ADAMTS2: variants seen among roughly 807,000 people sequenced by gnomAD.
ADAMTS2 encodes A disintegrin and metalloproteinase with thrombospondin motifs 2.
ADAMTS2 carries 50 observed loss-of-function variants against 123.0 expected under a neutral mutation model. The observed-to-expected ratio is 0.41, with a 90% confidence interval of 0.32 to 0.51. ADAMTS2 has a LOEUF of 0.51. ADAMTS2 is among the 20% of genes least tolerant of loss of function. ADAMTS2 has a pLI of 0.35. For missense variants in ADAMTS2, 1,494 were observed against 1,705.2 expected, an observed-to-expected ratio of 0.88 and a Z score of 2.18; for synonymous variants, 678 against 695.4, an observed-to-expected ratio of 0.98 and a Z score of 0.39.
intron 2 of ADAMTS2, among the ~76,000 whole-genome samples, chr5:179,293,626 T>TG (rs1756249848): frequency 6.6e-6 from 1 of 151,854 alleles, no homozygotes; most frequent in Non-Finnish European, 1.5e-5. Context: ...TTTGTTTGTT[T>TG]TTCTCAAGAT....
intron 3 of ADAMTS2, among the ~76,000 whole-genome samples, chr5:179,265,657 T>C (rs1278695469): frequency 6.6e-6 from 1 of 152,130 alleles, no homozygotes; most frequent in African/African-American, 2.4e-5. Flanking sequence ...AACTCCAGCC[T>C]CGGAGAATGT....
At chr5:179,292,316 G>A (rs932479770) in intron 2 of ADAMTS2, among the ~76,000 whole-genome samples, 2 of 144,442 alleles carry the variant, frequency 1.4e-5, no homozygotes, top group Non-Finnish European at 3.1e-5. Flanking sequence ...CACATTGTGA[G>A]CGGTAACAGC....
At chr5:179,186,189 C>G (rs951505936) in intron 4 of ADAMTS2, among the ~76,000 whole-genome samples, 2 of 152,138 alleles carry the variant, frequency 1.3e-5, no homozygotes, top group Admixed American at 6.5e-5. Context: ...TTGGCCCCCT[C>G]CCAGGCCAGG....
chr5:179,232,046 T>C (rs1217256059), intron 3 of ADAMTS2, among the ~76,000 whole-genome samples: 3 of 152,228 alleles, frequency 2.0e-5, no homozygotes, highest in Admixed American at 6.5e-5. Context: ...CCGCATTCTG[T>C]CTTTTAAAAA....
intron 2 of ADAMTS2, among the ~76,000 whole-genome samples, chr5:179,287,141 C>T (rs1391234174): frequency 6.6e-6 from 1 of 152,062 alleles, no homozygotes; most frequent in Non-Finnish European, 1.5e-5. Flanking sequence ...CAGAGCTGGG[C>T]GGGCTGTTCC....
rs922294987 is a variant in ADAMTS2, at chr5:179,154,196, C to T, written c.1239-4G>A. 34 of 1,548,864 alleles carry T rather than the reference C, an allele frequency of 2.2e-5. 1 individual carries two copies. In the South Asian group the frequency reaches 2.7e-4, roughly 12 times the overall value. On this transcript the variant is annotated splice_region_variant and splice_polypyrimidine_tract_variant and intron_variant, in intron 7 of 21. Transcript: ENST00000251582. ...CCCGTCGTGCTCCATGCCCAGCCTGCGAGGGCCGAGGCAGCTGGCTGAATC... is the reference window on the plus strand; with the variant it reads ...CCCGTCGTGCTCCATGCCCAGCCTGTGAGGGCCGAGGCAGCTGGCTGAATC...
chr5:179,276,734 T>C (rs998745105), intron 2 of ADAMTS2, among the ~76,000 whole-genome samples: 8 of 152,198 alleles, frequency 5.3e-5, no homozygotes, highest in African/African-American at 1.9e-4. Context: ...GACAGGTCCC[T>C]GGGCCAGACT....
At chr5:179,243,199 CA>C (rs371774081) in intron 3 of ADAMTS2, among the ~76,000 whole-genome samples, 125 of 151,768 alleles carry the variant, frequency 8.2e-4, no homozygotes, top group African/African-American at 2.8e-3. Context: ...GGATCTCTTC[CA>C]GGGGGAGAAT....
At chr5:179,201,090 C>T (rs1415616622) in intron 4 of ADAMTS2, among the ~76,000 whole-genome samples, 1 of 152,188 alleles carries the variant, frequency 6.6e-6, no homozygotes, top group Non-Finnish European at 1.5e-5. Flanking sequence ...ATTACCACTG[C>T]TCAAAAGGAC....
Position 179,181,490 on chromosome 5 carries a change from C to T in ADAMTS2, c.892-335G>A, listed in dbSNP as rs1264109888. ...GCCTCCAGCTGAAACACAACCTTCC[C>T]TTCAACAGTGAACGTGGGTGATGGA... On this transcript the variant is annotated intron_variant, in intron 4 of 21. Coordinates refer to ENST00000251582, the MANE Select transcript of ADAMTS2 (RefSeq NM_014244.5). The surrounding 1 kb of genome is among the most constrained non-coding windows in gnomAD (Gnocchi z 4.1). Among the ~76,000 whole-genome samples, 1 of 152,130 alleles carries T rather than the reference C, an allele frequency of 6.6e-6. No homozygotes were observed.
At chr5:179,324,516 G>A (rs1757261979) in intron 2 of ADAMTS2, among the ~76,000 whole-genome samples, 1 of 151,186 alleles carries the variant, frequency 6.6e-6, no homozygotes, top group Admixed American at 6.6e-5. Flanking sequence ...TCAGCCTCCT[G>A]AATAGTTGGA....
At chr5:179,286,629 C>CA (rs1424637530) in intron 2 of ADAMTS2, among the ~76,000 whole-genome samples, 1 of 152,160 alleles carries the variant, frequency 6.6e-6, no homozygotes, top group African/African-American at 2.4e-5. Flanking sequence ...CCACATCCAC[C>CA]AGGAGATGCT....
intron 2 of ADAMTS2, among the ~76,000 whole-genome samples, chr5:179,305,629 A>G (rs1293170130): frequency 1.3e-5 from 2 of 152,254 alleles, no homozygotes; most frequent in African/African-American, 2.4e-5. Flanking sequence ...GGAGGAAATG[A>G]TAAGAGTAAA....
intron 3 of ADAMTS2, among the ~76,000 whole-genome samples, chr5:179,217,566 T>C (rs925428168): frequency 1.3e-5 from 2 of 152,224 alleles, no homozygotes; most frequent in African/African-American, 2.4e-5. Context: ...AAGGAAGTCA[T>C]GGAAGTGCTA....
In ADAMTS2 at chr5:179,129,870, C is replaced by T. The variant is rs2113199709; in HGVS notation, c.2457+62G>A. On this transcript the variant is annotated intron_variant, in intron 16 of 21. Coordinates refer to ENST00000251582, the MANE Select transcript of ADAMTS2 (RefSeq NM_014244.5). This position sits in a 1 kb window ranked among gnomAD's most constrained non-coding sequence, Gnocchi z 4.1. ...TCAGGAGGCTCAGCGTCCCAGGCAC[C>T]CCCATCCCTCCCCCAGTGGCCACCC... 1.2e-6 allele frequency: 2 copies of T among 1,603,414 alleles called. No individual in the cohort carries two copies. The highest frequency in any genetic ancestry group is 1.3e-5 in the African/African-American group (1 of 74,874).
At chr5:179,315,124 C>T (rs1250775219) in intron 2 of ADAMTS2, among the ~76,000 whole-genome samples, 1 of 146,590 alleles carries the variant, frequency 6.8e-6, no homozygotes, top group African/African-American at 2.5e-5. Context: ...TCTCTCTCTT[C>T]TGTTCCTCCT....
rs575653796 is a variant in ADAMTS2 at position 179,312,748 on chromosome 5, G to A, written c.534+31019C>T. Among the ~76,000 whole-genome samples the A allele has an allele frequency of 1.9e-4, 29 of 152,338 alleles. No individual in the cohort carries two copies. Among genetic ancestry groups the A allele is most frequent in the African/African-American group, 6.5e-4 (27 of 41,578 alleles). ...CAAGCCAAGCACTGCTGGCTGCCAC[G>A]AGGACCTGGAAGAGCCCAGGACGCA... On this transcript the variant is annotated intron_variant, in intron 2 of 21. Coordinates refer to ENST00000251582, the MANE Select transcript of ADAMTS2 (RefSeq NM_014244.5). This position sits in a 1 kb window ranked among gnomAD's most constrained non-coding sequence, Gnocchi z 4.2.
At chr5:179,343,707 CT>C in intron 2 of ADAMTS2, 59 bp downstream of exon 2, 1 of 1,577,592 alleles carries the variant, frequency 6.3e-7, no homozygotes, top group Non-Finnish European at 8.5e-7. Context: ...CCAGGTAACC[CT>C]TTTCCAAAAC....
chr5:179,136,237 T>G (rs1422244930), intron 12 of ADAMTS2, among the ~76,000 whole-genome samples, 195 bp from the exon 13 acceptor site: 1 of 152,164 alleles, frequency 6.6e-6, no homozygotes, highest in Non-Finnish European at 1.5e-5. Flanking sequence ...TTGACCCTGG[T>G]GGTTGTGGAC....
Sources: gnomAD v4.1 joint callset for allele counts (sites outside exome capture counted in the v4.1 genomes callset) on GRCh38, gnomAD v4.1.1 for gene constraint, Gnocchi (gnomAD v3.1) non-coding constraint, MANE v1.5 for transcripts, NCBI Gene and HGNC (gene_info 2026-07-23, HGNC 2026-07-21) for gene names.